Variants in ANKFY1 observed in about 807,000 individuals in gnomAD.
ANKFY1 encodes the protein ankyrin repeat and FYVE domain containing 1.
Under a neutral mutation model 128.3 loss-of-function variants are expected in ANKFY1, and 47 were observed. That is an observed-to-expected ratio of 0.37 (90% CI 0.29 to 0.47). The LOEUF (loss-of-function observed/expected upper bound fraction) is 0.47. Among genes scored for constraint, ANKFY1 ranks in the 20% least tolerant of loss-of-function variants. The pLI, the probability that ANKFY1 is intolerant of heterozygous loss-of-function variation, is 1.00. For missense variants in ANKFY1, 1,222 were observed against 1,510.6 expected (o/e 0.81, Z 3.17); for synonymous variants, 553 against 601.6 (o/e 0.92, Z 1.18).
chr17:4,242,162 G>A (rs1598136426), intron 2 of ANKFY1, 94 bp downstream of exon 2: 1 of 1,253,778 alleles, frequency 8.0e-7, no homozygotes, highest in Middle Eastern at 2.9e-4. Context: ...CCTCATTAGA[G>A]ATAAATAAAT....
chr17:4,189,223 CA>C, intron 11 of ANKFY1, among the ~76,000 whole-genome samples, 158 bp downstream of exon 11: 1 of 152,178 alleles, frequency 6.6e-6, no homozygotes, highest in Non-Finnish European at 1.5e-5. Context: ...TGAAGAAACA[CA>C]AAATAATCTG....
chr17:4,169,903 G>C lies in ANKFY1; in HGVS notation c.3287-615C>G, dbSNP rs2059283497. Reference sequence around the variant, plus strand: ...TCTCACTCTATCCCAGGCACTGTCTGACTGCTCTACATAGACAGGTCCACT... The same window carrying C: ...TCTCACTCTATCCCAGGCACTGTCTCACTGCTCTACATAGACAGGTCCACT... On this transcript the variant is annotated intron_variant, in intron 23 of 24. Coordinates refer to ENST00000341657, the MANE Select transcript of ANKFY1 (RefSeq NM_001330063.2). This position sits in a 1 kb window ranked among gnomAD's most constrained non-coding sequence, Gnocchi z 5.0. 6.6e-6 allele frequency among the ~76,000 whole-genome samples: 1 copy of C among 152,210 alleles called. No individual in the cohort carries two copies. The highest frequency in any genetic ancestry group is 6.5e-5 in the Admixed American group (1 of 15,286).
intron 1 of ANKFY1, among the ~76,000 whole-genome samples, chr17:4,258,400 C>G (rs992621787): frequency 1.3e-5 from 2 of 151,996 alleles, no homozygotes; most frequent in Non-Finnish European, 2.9e-5. Context: ...TGGCGGGCGC[C>G]TGTAGTCCCA....
At chr17:4,243,808 G>C (rs1379100223) in intron 1 of ANKFY1, among the ~76,000 whole-genome samples, 1 of 152,294 alleles carries the variant, frequency 6.6e-6, no homozygotes, top group South Asian at 2.1e-4. Context: ...CACCGTATTT[G>C]ATTAACTAAA....
At position 4,217,133 on chromosome 17, in the gene ANKFY1, A is replaced by C. The variant is rs200910841; in HGVS notation, c.323-15T>G. On this transcript the variant is annotated splice_polypyrimidine_tract_variant and intron_variant, in intron 3 of 24. Transcript: ENST00000341657. ...AGGATTAGCATCTGGTTAAAGAAAG[A>C]GAGAACAACTGAAAAAGCATAGAAT... The C allele has an allele frequency of 1.4e-5, 23 of 1,605,070 alleles. No homozygotes were observed. The highest frequency in any genetic ancestry group is 1.7e-5 in the Non-Finnish European group (20 of 1,173,910).
At chr17:4,180,155 C>A in intron 16 of ANKFY1, 1 of 399,862 alleles carries the variant, frequency 2.5e-6, no homozygotes, top group Non-Finnish European at 4.6e-6. Flanking sequence ...CAGCCGGATG[C>A]GGTGGCTCAT....
chr17:4,190,462 G>A (rs527705641), intron 10 of ANKFY1, among the ~76,000 whole-genome samples: 4 of 152,060 alleles, frequency 2.6e-5, no homozygotes, highest in South Asian at 4.2e-4. Flanking sequence ...AAAAAGAAAT[G>A]TCTACAGATG....
Position 4,174,048 on chromosome 17 carries a change from C to T in ANKFY1, c.2784G>A (p.Ala928=). ...SEIIVRNLLL[A]GAKVNELTKH... ...TGGTTAATTCGTTCACTTTGGCTCC[C>T]GCAAGAAGCTGTTGAAGTTCATTAC... The change falls in exon 20 of 25, where the codon GCG becomes GCA. Residue 928 remains alanine, a synonymous_variant. Transcript: ENST00000341657. 2.5e-6 allele frequency: 4 copies of T among 1,613,880 alleles called. No individual in the cohort carries two copies. The highest frequency in any genetic ancestry group is 3.4e-6 in the Non-Finnish European group (4 of 1,179,850).
Position 4,178,624 on chromosome 17 carries a change from T to C in ANKFY1, c.2598+233A>G. 1 of 570,512 alleles carries C rather than the reference T, an allele frequency of 1.8e-6. No homozygotes were observed. The highest frequency in any genetic ancestry group is 2.1e-5 in the South Asian group (1 of 48,572). The allele number at this position is 570,512 out of a possible 1,614,324, so 35.3% of individuals were successfully genotyped here. A position where few individuals can be genotyped will look rare whatever the true frequency, so the allele number is the denominator to read the frequency against. On this transcript the variant is annotated intron_variant, in intron 18 of 24. Transcript: ENST00000341657. This position sits in a 1 kb window ranked among gnomAD's most constrained non-coding sequence, Gnocchi z 4.1. ...ACAGAATTCCTACGATGGAGCCCAC[T>C]GCCTCCGCTTCCATCGAAGCCGGGC... is the stretch of plus-strand genomic sequence containing the variant.
At chr17:4,210,474 C>T (rs559950000) in intron 4 of ANKFY1, among the ~76,000 whole-genome samples, 8 of 152,184 alleles carry the variant, frequency 5.3e-5, no homozygotes, top group Admixed American at 2.6e-4. Context: ...TTTGGGAGGC[C>T]GAGGTGGGTG....
intron 3 of ANKFY1, among the ~76,000 whole-genome samples, chr17:4,224,216 T>G (rs2060380180): frequency 1.4e-4 from 2 of 14,214 alleles, no homozygotes; most frequent in Non-Finnish European, 6.0e-4. Flanking sequence ...CCTTTGAAGT[T>G]TTTTTTTTTT....
At chr17:4,171,414 GCTAA>G (rs1449381051) in intron 22 of ANKFY1, among the ~76,000 whole-genome samples, 2 of 152,192 alleles carry the variant, frequency 1.3e-5, no homozygotes, top group South Asian at 2.1e-4. Flanking sequence ...AACAATTACA[GCTAA>G]CTGTCGCTCC....
Position 4,185,053 on chromosome 17 carries a change from G to A in ANKFY1, c.1471-7C>T. On this transcript the variant is annotated splice_polypyrimidine_tract_variant and splice_region_variant and intron_variant, in intron 11 of 24. Coordinates refer to ENST00000341657, the MANE Select transcript of ANKFY1 (RefSeq NM_001330063.2). ...TGTGCAACGGGGTTTCTCCCTGAATGGAAACAAATGGCCGAAATCTGAGCA... is the reference window on the plus strand; with the variant it reads ...TGTGCAACGGGGTTTCTCCCTGAATAGAAACAAATGGCCGAAATCTGAGCA... The A allele has an allele frequency of 6.2e-7, 1 of 1,609,554 alleles. No homozygotes were observed. The highest frequency in any genetic ancestry group is 8.5e-7 in the Non-Finnish European group (1 of 1,178,886).
chr17:4,173,098 C>T, intron 21 of ANKFY1, among the ~76,000 whole-genome samples: 1 of 152,234 alleles, frequency 6.6e-6, no homozygotes, highest in Non-Finnish European at 1.5e-5. Context: ...CCTCGTGATC[C>T]GCCCGCCTCG....
In ANKFY1 at chr17:4,224,957, T is replaced by TA. The variant is rs1452803779; in HGVS notation, c.323-7840dup. Among the ~76,000 whole-genome samples, 950 of 149,916 alleles carry TA rather than the reference T, an allele frequency of 6.3e-3. 7 individuals are homozygous for TA. The highest frequency in any genetic ancestry group is 0.018 in the African/African-American group (733 of 41,058). On this transcript the variant is annotated intron_variant, in intron 3 of 24. Coordinates refer to ENST00000341657, the MANE Select transcript of ANKFY1 (RefSeq NM_001330063.2). ...TGAGTTGTCGTTTTTTTTTTTTTTT[T>TA]AAATAAACTGGTAAATTTTGTGCTT...
chr17:4,247,318 C>G (rs1389684809), intron 1 of ANKFY1, among the ~76,000 whole-genome samples: 1 of 152,134 alleles, frequency 6.6e-6, no homozygotes, highest in Non-Finnish European at 1.5e-5. Context: ...CAGCCCCAGT[C>G]TCTCTACAGA....
chr17:4,212,427 G>A, intron 4 of ANKFY1, among the ~76,000 whole-genome samples: 1 of 152,150 alleles, frequency 6.6e-6, no homozygotes, highest in Non-Finnish European at 1.5e-5. Context: ...GATATTTGAG[G>A]AATACTTGTG....
At position 4,170,837 on chromosome 17, in the gene ANKFY1, C is replaced by G. The variant is rs777564479; in HGVS notation, c.3164G>C (p.Gly1055Ala). The stretch of plus-strand genomic sequence containing the variant: ...GATGGCGCGGCACAAGTTGGCGTTC[C>G]CTTTCATGTATGCCAGGAGCAGCAC... ...STVLLLAYMK[G>A]NANLCRAIVR... The change falls in exon 23 of 25, where the codon GGG becomes GCG. Residue 1055 changes from glycine to alanine, a missense_variant. Physicochemically the swap from Gly to Ala is moderately conservative, Grantham distance 60. Coordinates refer to ENST00000341657, the MANE Select transcript of ANKFY1 (RefSeq NM_001330063.2). 6.2e-7 allele frequency: 1 copy of G among 1,614,158 alleles called. No homozygotes were observed. Among genetic ancestry groups the G allele is most frequent in the Admixed American group, 1.7e-5 (1 of 60,026 alleles).
intron 17 of ANKFY1, 60 bp downstream of exon 17, chr17:4,179,661 G>A: frequency 6.3e-7 from 1 of 1,589,932 alleles, no homozygotes; most frequent in South Asian, 1.1e-5. Context: ...TCTGCCATAG[G>A]AGGAGGCTTC....
Sources: gnomAD v4.1 joint callset for allele counts (sites outside exome capture counted in the v4.1 genomes callset) on GRCh38, gnomAD v4.1.1 for gene constraint, Gnocchi (gnomAD v3.1) non-coding constraint, MANE v1.5 for transcripts, NCBI Gene and HGNC (gene_info 2026-07-23, HGNC 2026-07-21) for gene names.